Variants in ICA1L observed in about 807,000 individuals in gnomAD.
The protein encoded by ICA1L is islet cell autoantigen 1 like.
ICA1L carries 50 observed loss-of-function variants against 61.3 expected under a neutral mutation model. The ratio of observed to expected loss-of-function variants is 0.82; its 90% CI spans 0.65 to 1.03. ICA1L has a LOEUF of 1.03. Among genes scored for constraint, ICA1L ranks in the 50% least tolerant of loss-of-function variants. ICA1L has a pLI of 0.00. For missense variants in ICA1L, 508 were observed against 556.7 expected (o/e 0.91, Z 0.88); for synonymous variants, 161 against 191.3 (o/e 0.84, Z 1.31).
At chr2:202,863,856 C>CGTG (rs916728069) in intron 1 of ICA1L, among the ~76,000 whole-genome samples, 1 of 149,750 alleles carries the variant, frequency 6.7e-6, no homozygotes, top group African/African-American at 2.4e-5. Context: ...AAAGAAGGAA[C>CGTG]GTCACTATAG....
At chr2:202,782,546 C>T (rs566119890) in intron 12 of ICA1L, among the ~76,000 whole-genome samples, 62 of 151,648 alleles carry the variant, frequency 4.1e-4, no homozygotes, top group Non-Finnish European at 6.2e-4. Context: ...GTAGCTGGGA[C>T]TACAGGCGTG....
chr2:202,811,679 A>AAAT, intron 9 of ICA1L, 67 bp downstream of exon 9: 1 of 979,600 alleles, frequency 1.0e-6, no homozygotes, highest in Non-Finnish European at 1.6e-6. Context: ...AAAAAAAAAA[A>AAAT]GGCTGTGATA....
At chr2:202,833,046 T>C (rs1335649991) in intron 1 of ICA1L, among the ~76,000 whole-genome samples, 1 of 150,476 alleles carries the variant, frequency 6.6e-6, no homozygotes, top group East Asian at 2.0e-4. Context: ...AAAACACAAA[T>C]AGACACATCA....
At chr2:202,850,716 CAGG>C (rs1694593009) in intron 1 of ICA1L, among the ~76,000 whole-genome samples, 1 of 152,156 alleles carries the variant, frequency 6.6e-6, no homozygotes, top group African/African-American at 2.4e-5. Context: ...AAACACAGTT[CAGG>C]ATATTATCGA....
chr2:202,808,866 G>T (rs1264507989), intron 9 of ICA1L, among the ~76,000 whole-genome samples: 1 of 152,202 alleles, frequency 6.6e-6, no homozygotes, highest in Non-Finnish European at 1.5e-5. Flanking sequence ...CAAAGATTTA[G>T]ATGACAACAA....
chr2:202,825,011 TG>T (rs1394750443), intron 3 of ICA1L, among the ~76,000 whole-genome samples: 1 of 152,152 alleles, frequency 6.6e-6, no homozygotes, highest in East Asian at 1.9e-4. Context: ...AAAACTTGAC[TG>T]GAGTGAGTAC....
chr2:202,819,442 C>T (rs1693634673), intron 5 of ICA1L, among the ~76,000 whole-genome samples: 1 of 151,978 alleles, frequency 6.6e-6, no homozygotes, highest in Non-Finnish European at 1.5e-5. Context: ...AAGGAAGCAA[C>T]ATTTAAGAAG....
chr2:202,862,272 CAAAAAAAAA>C (rs778355110), intron 1 of ICA1L, among the ~76,000 whole-genome samples: 7 of 62,976 alleles, frequency 1.1e-4, no homozygotes, highest in African/African-American at 3.3e-4. Context: ...CTCATTTCTA[CAAAAAAAAA>C]AAAAAAAAAA....
chr2:202,862,887 A>G (rs1186233338), intron 1 of ICA1L, among the ~76,000 whole-genome samples: 1 of 152,072 alleles, frequency 6.6e-6, no homozygotes, highest in Non-Finnish European at 1.5e-5. Context: ...CAAAGAAATC[A>G]GAGAGGAATT....
chr2:202,864,582 T>C (rs1243984514), intron 1 of ICA1L, among the ~76,000 whole-genome samples: 1 of 152,040 alleles, frequency 6.6e-6, no homozygotes, highest in East Asian at 1.9e-4. Flanking sequence ...AAATCTAATG[T>C]AGTAGTGTGT....
intron 8 of ICA1L, among the ~76,000 whole-genome samples, chr2:202,812,924 A>T (rs1261941289): frequency 1.3e-5 from 2 of 152,166 alleles, no homozygotes; most frequent in Non-Finnish European, 2.9e-5. Flanking sequence ...GAATGGAAAA[A>T]TTTTACTAAA....
chr2:202,811,187 T>C (rs1693366889), intron 9 of ICA1L, among the ~76,000 whole-genome samples: 1 of 152,132 alleles, frequency 6.6e-6, no homozygotes, highest in Admixed American at 6.5e-5. Flanking sequence ...GCTGCTGACA[T>C]GTGATGTTTC....
At chr2:202,858,984 A>G (rs911085803) in intron 1 of ICA1L, among the ~76,000 whole-genome samples, 1 of 152,224 alleles carries the variant, frequency 6.6e-6, no homozygotes, top group African/African-American at 2.4e-5. Flanking sequence ...TATCATATAC[A>G]TCATACTTTA....
chr2:202,855,492 G>T (rs1337379364), intron 1 of ICA1L, among the ~76,000 whole-genome samples: 1 of 152,118 alleles, frequency 6.6e-6, no homozygotes, highest in African/African-American at 2.4e-5. Context: ...TACCATCAGA[G>T]AATACTATAA....
chr2:202,830,447 T>G (rs1319453191), intron 1 of ICA1L, among the ~76,000 whole-genome samples: 1 of 152,170 alleles, frequency 6.6e-6, no homozygotes, highest in East Asian at 1.9e-4. Flanking sequence ...AAGAAGTTAT[T>G]CTTAACAAGG....
At chr2:202,782,154 T>C (rs1220324805) in intron 12 of ICA1L, among the ~76,000 whole-genome samples, 2 of 152,038 alleles carry the variant, frequency 1.3e-5, no homozygotes, top group African/African-American at 4.8e-5. Context: ...GAGACCAGCC[T>C]GGACAACATG....
intron 3 of ICA1L, among the ~76,000 whole-genome samples, chr2:202,824,744 G>A (rs1009937584): frequency 6.6e-6 from 1 of 152,038 alleles, no homozygotes; most frequent in Non-Finnish European, 1.5e-5. Context: ...TGTCCAGCAG[G>A]CCCACTGTAA....
intron 1 of ICA1L, among the ~76,000 whole-genome samples, chr2:202,856,461 G>A (rs1694773392): frequency 6.6e-6 from 1 of 152,054 alleles, no homozygotes; most frequent in South Asian, 2.1e-4. Flanking sequence ...CAATAAACTA[G>A]CTATTGATGG....
At chr2:202,841,860 ATT>A (rs138379846) in intron 1 of ICA1L, 3,468 of 215,408 alleles carry the variant, frequency 0.016, no homozygotes, top group South Asian at 0.028. Context: ...TTCTTGGTCT[ATT>A]TTTTTTTTTT....
Sources: gnomAD v4.1 joint callset for allele counts (sites outside exome capture counted in the v4.1 genomes callset) on GRCh38, gnomAD v4.1.1 for gene constraint, MANE v1.5 for transcripts, NCBI Gene and HGNC (gene_info 2026-07-23, HGNC 2026-07-21) for gene names.